The following HSD17B11 variants were observed in gnomAD, a reference collection of about 807,000 sequenced individuals.
HSD17B11 encodes estradiol 17-beta-dehydrogenase 11.
HSD17B11 carries 22 observed loss-of-function variants against 27.8 expected under a neutral mutation model. The ratio of observed to expected loss-of-function variants is 0.79; its 90% confidence interval spans 0.56 to 1.13. The LOEUF (loss-of-function observed/expected upper bound fraction) is 1.13. Ranked by LOEUF, HSD17B11 falls within the 50% of genes most tolerant of loss-of-function variation. HSD17B11 has a pLI of 0.00. For synonymous variants in HSD17B11, 117 were observed against 132.8 expected (o/e 0.88, Z 0.82); for missense variants, 314 against 351.1 (o/e 0.89, Z 0.84).
intron 4 of HSD17B11, among the ~76,000 whole-genome samples, chr4:87,372,299 C>T (rs1012649213): frequency 6.7e-6 from 1 of 150,326 alleles, no homozygotes; most frequent in East Asian, 1.9e-4. Context: ...CTCTCTCTCT[C>T]ACTCTGATTT....
chr4:87,340,480 TG>T lies in HSD17B11; in HGVS notation c.812+9del. ...CCTTTCATTTCTAAGGTTTCTTAAC[TG>T]TCACTTACCTTTCCAATGTTGTTAA... is the stretch of plus-strand genomic sequence containing the variant. On this transcript the variant is annotated intron_variant, in intron 6 of 6. Transcript: ENST00000358290. 1 of 1,513,348 alleles carries T rather than the reference TG, an allele frequency of 6.6e-7. No homozygotes were observed. The highest frequency in any genetic ancestry group is 1.2e-5 in the South Asian group (1 of 82,716). The allele number at this position is 1,513,348 out of a possible 1,614,324, so 93.7% of individuals were successfully genotyped here.
At chr4:87,362,343 C>T (rs181874746) in intron 4 of HSD17B11, among the ~76,000 whole-genome samples, 130 of 152,156 alleles carry the variant, frequency 8.5e-4, no homozygotes, top group African/African-American at 2.6e-3. Flanking sequence ...TTGGCCAACA[C>T]GGTGAAACCC....
chr4:87,372,688 A>G (rs1179782504), intron 4 of HSD17B11, 21 bp downstream of exon 4: 11 of 1,440,114 alleles, frequency 7.6e-6, no homozygotes, highest in Non-Finnish European at 1.1e-5. Flanking sequence ...GAACCAATGA[A>G]GGAAACACAT....
chr4:87,376,503 C>CAAAAAAAAAAAAAAAAAAAAAAA (rs70957230), intron 2 of HSD17B11, among the ~76,000 whole-genome samples: 1 of 63,172 alleles, frequency 1.6e-5, no homozygotes, highest in Non-Finnish European at 3.4e-5. Context: ...GATTTCATCT[C>CAAAAAAAAAAAAAAAAAAAAAAA]AAAAAAAAAA....
At chr4:87,353,110 G>A (rs9684675) in intron 5 of HSD17B11, among the ~76,000 whole-genome samples, 2 of 105,584 alleles carry the variant, frequency 1.9e-5, no homozygotes, top group Admixed American at 1.8e-4. Context: ...GCTGTAGACC[G>A]GAGCTGTTCC....
At position 87,390,888 on chromosome 4, in the gene HSD17B11, G is replaced by C. The variant is rs780327783; in HGVS notation, c.183C>G (p.Ser61Arg). The change falls in exon 1 of 7, where the codon AGC (serine) becomes AGG (arginine). Residue 61 changes from serine (S) to arginine (R), a missense_variant. Coordinates refer to ENST00000358290, the MANE Select transcript of HSD17B11 (RefSeq NM_016245.5). ...TATTTATATCCCAGAGAACCAGCTT[G>C]CTTTTAAGTTTAGCAAATTCATAGG... ...LTAYEFAKLK[S>R]KLVLWDINKH... 6.8e-6 allele frequency: 11 copies of C among 1,614,116 alleles called. No homozygotes were observed. The South Asian group carries it at 1.1e-4, about 16-fold the overall frequency.
intron 5 of HSD17B11, among the ~76,000 whole-genome samples, chr4:87,353,056 T>C (rs1189325471): frequency 8.4e-5 from 11 of 130,710 alleles, no homozygotes. Context: ...GTACCTCAGA[T>C]GGAAATGCAG....
rs1560761095 is a variant in HSD17B11, at chr4:87,357,269, C to T, written c.695+10G>A. On this transcript the variant is annotated intron_variant, in intron 5 of 6. Transcript: ENST00000358290. ...ACCACCAATCCTTTTGTCTCAATTTCTCAACTTACCTTGTACTTGGATTTT... is the reference window on the plus strand; with the variant it reads ...ACCACCAATCCTTTTGTCTCAATTTTTCAACTTACCTTGTACTTGGATTTT... The T allele has an allele frequency of 6.2e-7, 1 of 1,609,026 alleles. No individual in the cohort carries two copies. Among genetic ancestry groups the T allele is most frequent in the Admixed American group, 1.7e-5 (1 of 58,908 alleles).
intron 4 of HSD17B11, among the ~76,000 whole-genome samples, chr4:87,359,282 C>T (rs541431908): frequency 1.3e-5 from 2 of 152,314 alleles, no homozygotes; most frequent in South Asian, 2.1e-4. Context: ...TTAAAAGCTT[C>T]TGTATACTGA....
chr4:87,390,988 G>T lies in HSD17B11; in HGVS notation c.83C>A (p.Pro28His). 6.2e-7 allele frequency: 1 copy of T among 1,613,970 alleles called. No individual in the cohort carries two copies. The highest frequency in any genetic ancestry group is 8.5e-7 in the Non-Finnish European group (1 of 1,179,988). Residue 28 changes from proline (P) to histidine (H), a missense_variant, in exon 1 of 7, where the codon CCT (proline) becomes CAT (histidine). Pro to His is a moderately conservative substitution (Grantham distance 77, BLOSUM62 -2). Coordinates refer to ENST00000358290, the MANE Select transcript of HSD17B11 (RefSeq NM_016245.5). ...GCCGGTGACTGATTTTCTCCTCTTA[G>T]GAATAAAAAGCTTCACGAAGGACTC... Reference protein sequence around the residue: ...SLESFVKLFIPKRRKSVTGEI... With the variant: ...SLESFVKLFIHKRRKSVTGEI...
At chr4:87,384,126 C>A (rs1394394745) in intron 1 of HSD17B11, among the ~76,000 whole-genome samples, 1 of 151,948 alleles carries the variant, frequency 6.6e-6, no homozygotes, top group Non-Finnish European at 1.5e-5. Flanking sequence ...AGTCAGGGAC[C>A]CCGAATGGAG....
At chr4:87,376,596 T>C (rs996319786) in intron 2 of HSD17B11, among the ~76,000 whole-genome samples, 14 of 151,920 alleles carry the variant, frequency 9.2e-5, no homozygotes, top group Non-Finnish European at 2.1e-4. Flanking sequence ...TATGTGTGTT[T>C]TTCTAATATA....
intron 1 of HSD17B11, among the ~76,000 whole-genome samples, chr4:87,386,700 A>T (rs761011546): frequency 6.6e-6 from 1 of 152,198 alleles, no homozygotes; most frequent in Non-Finnish European, 1.5e-5. Flanking sequence ...ATGTTTGTCT[A>T]TTGGTACAAC....
intron 2 of HSD17B11, among the ~76,000 whole-genome samples, chr4:87,378,844 AAATATATATATAAATATATATAAATAT>A (rs1720005251): frequency 4.0e-5 from 1 of 24,806 alleles, no homozygotes; most frequent in African/African-American, 2.0e-4. Flanking sequence ...ATATATATAT[AAATATATATATAAATATATATAAATAT>A]ATATATATAA....
chr4:87,339,055 T>C, intron 6 of HSD17B11, among the ~76,000 whole-genome samples: 1 of 152,246 alleles, frequency 6.6e-6, no homozygotes, highest in Admixed American at 6.5e-5. Flanking sequence ...AATTAATTTA[T>C]TCAATCAACA....
chr4:87,377,022 C>T (rs550254560), intron 2 of HSD17B11, among the ~76,000 whole-genome samples: 4 of 152,024 alleles, frequency 2.6e-5, no homozygotes, highest in South Asian at 2.1e-4. Context: ...CCCAGCTACT[C>T]GGAAGGTTGA....
chr4:87,337,165 T>C lies in HSD17B11; in HGVS notation c.*111A>G. On this transcript the variant is annotated 3_prime_UTR_variant, in exon 7 of 7. Coordinates refer to ENST00000358290, the MANE Select transcript of HSD17B11 (RefSeq NM_016245.5). ...GACTGCCAAAGCCTCAAAAATGATA[T>C]TGAAGAAATGGGGATAATTAGAAAA... 4.1e-6 allele frequency: 3 copies of C among 737,862 alleles called. No individual in the cohort carries two copies. Among genetic ancestry groups the C allele is most frequent in the South Asian group, 1.6e-5 (1 of 63,864 alleles). The allele number at this position is 737,862 out of a possible 1,614,324, so 45.7% of individuals were successfully genotyped here.
chr4:87,385,299 T>C (rs1190266098), intron 1 of HSD17B11, among the ~76,000 whole-genome samples: 1 of 152,192 alleles, frequency 6.6e-6, no homozygotes, highest in Non-Finnish European at 1.5e-5. Flanking sequence ...CAACCTTCAT[T>C]ATGCCAAATG....
At chr4:87,353,433 T>C (rs1268108607) in intron 5 of HSD17B11, among the ~76,000 whole-genome samples, 1 of 152,250 alleles carries the variant, frequency 6.6e-6, no homozygotes, top group African/African-American at 2.4e-5. Flanking sequence ...TTCTCTCTTC[T>C]AATTAGAAGT....
Sources: allele counts gnomAD v4.1 joint callset (sites outside exome capture counted in the v4.1 genomes callset), GRCh38; gene constraint gnomAD v4.1.1; transcripts MANE v1.5; gene names NCBI Gene and HGNC (gene_info 2026-07-23, HGNC 2026-07-21).